Variants in BACH2 observed in about 807,000 individuals in gnomAD.
BACH2 encodes the protein BACH transcriptional regulator 2, also known as transcription regulator protein BACH2.
BACH2 carries 5 observed loss-of-function variants against 61.8 expected under a neutral mutation model. That is an observed-to-expected ratio of 0.08 (90% confidence interval 0.04 to 0.17). The LOEUF (loss-of-function observed/expected upper bound fraction) is 0.17. Among genes scored for constraint, BACH2 ranks in the 10% least tolerant of loss-of-function variants. The pLI, the probability that BACH2 is intolerant of heterozygous loss-of-function variation, is 1.00. For synonymous variants in BACH2, 446 were observed against 440.1 expected (o/e 1.01, Z -0.17); for missense variants, 824 against 1,091.1 (o/e 0.76, Z 3.45).
chr6:90,179,217 A>T (rs1325013948), intron 4 of BACH2, among the ~76,000 whole-genome samples: 1 of 149,366 alleles, frequency 6.7e-6, no homozygotes, highest in Non-Finnish European at 1.5e-5. Flanking sequence ...TCTATAAATT[A>T]AAAAAAAAAT....
chr6:89,955,103 A>G (rs1774353644), intron 6 of BACH2, among the ~76,000 whole-genome samples: 1 of 152,258 alleles, frequency 6.6e-6, no homozygotes, highest in African/African-American at 2.4e-5. Context: ...CCTGCAAGGC[A>G]GGCATGACTG....
In BACH2 at chr6:90,191,299, C is replaced by T. The variant is rs1768562142; in HGVS notation, c.-162+15270G>A. Among the ~76,000 whole-genome samples the T allele has an allele frequency of 2.6e-5, 4 of 152,326 alleles. 1 individual carries two copies. In the South Asian group the frequency reaches 8.3e-4, roughly 32 times the overall value. On this transcript the variant is annotated intron_variant, in intron 4 of 8. Coordinates refer to ENST00000257749, the MANE Select transcript of BACH2 (RefSeq NM_021813.4). ...TATTTAAGAAGTATTCTGAATCAAA[C>T]ACTGCTCACATATTTAAGGAAGTGG... is the stretch of plus-strand genomic sequence containing the variant.
chr6:90,199,926 T>C (rs146064906), intron 4 of BACH2, among the ~76,000 whole-genome samples: 1 of 152,296 alleles, frequency 6.6e-6, no homozygotes, highest in East Asian at 1.9e-4. Context: ...ATATAAGACA[T>C]AGGCACAGTC....
At chr6:90,039,630 C>T (rs867952304) in intron 5 of BACH2, among the ~76,000 whole-genome samples, 6 of 152,132 alleles carry the variant, frequency 3.9e-5, no homozygotes, top group African/African-American at 1.2e-4. Context: ...GTGATCTGCT[C>T]GCCTCGGCCT....
At chr6:89,938,475 G>GTAGT in intron 7 of BACH2, 125 bp from the exon 8 acceptor site, 1 of 735,876 alleles carries the variant, frequency 1.4e-6, no homozygotes, top group South Asian at 1.9e-5. Flanking sequence ...CTGAAAGCAA[G>GTAGT]CAGTGATTAC....
At chr6:90,194,645 C>T (rs1768693598) in intron 4 of BACH2, among the ~76,000 whole-genome samples, 1 of 152,176 alleles carries the variant, frequency 6.6e-6, no homozygotes, top group Admixed American at 6.5e-5. Context: ...AAGCCCACTC[C>T]AAACTGTTAG....
intron 4 of BACH2, among the ~76,000 whole-genome samples, chr6:90,175,348 A>G (rs1424302449): frequency 1.3e-5 from 2 of 152,198 alleles, no homozygotes; most frequent in Admixed American, 6.5e-5. Context: ...AAATCATAAG[A>G]AACTCTCTTG....
At chr6:90,023,634 G>C (rs925674696) in intron 5 of BACH2, among the ~76,000 whole-genome samples, 1 of 151,862 alleles carries the variant, frequency 6.6e-6, no homozygotes, top group Non-Finnish European at 1.5e-5. Flanking sequence ...CTCAAAATTC[G>C]TATGTGGAAA....
intron 7 of BACH2, among the ~76,000 whole-genome samples, chr6:89,942,480 A>G (rs1462116765): frequency 2.6e-5 from 4 of 152,124 alleles, no homozygotes; most frequent in South Asian, 2.1e-4. Context: ...TGGGCTTAAC[A>G]TCTTATTAAC....
chr6:90,178,218 T>C (rs1768041907), intron 4 of BACH2, among the ~76,000 whole-genome samples: 1 of 152,114 alleles, frequency 6.6e-6, no homozygotes, highest in Non-Finnish European at 1.5e-5. Flanking sequence ...GAGAATGAAA[T>C]GTCAGCTCTA....
intron 5 of BACH2, among the ~76,000 whole-genome samples, chr6:90,067,754 T>C (rs1781033140): frequency 6.6e-6 from 1 of 152,194 alleles, no homozygotes; most frequent in Non-Finnish European, 1.5e-5. Flanking sequence ...TAATCGGCTG[T>C]GCACAAGACA....
intron 4 of BACH2, among the ~76,000 whole-genome samples, chr6:90,093,310 G>T (rs1393551190): frequency 6.6e-6 from 1 of 152,146 alleles, no homozygotes; most frequent in Non-Finnish European, 1.5e-5. Context: ...AGCATGGGGG[G>T]AGATGTGTAA....
At chr6:89,992,179 A>C (rs1340952368) in intron 6 of BACH2, among the ~76,000 whole-genome samples, 1 of 152,204 alleles carries the variant, frequency 6.6e-6, no homozygotes, top group Non-Finnish European at 1.5e-5. Context: ...TTCTTTTTAC[A>C]AAGTATGCAA....
chr6:90,210,469 T>C (rs796516784), intron 3 of BACH2, among the ~76,000 whole-genome samples: 9 of 152,238 alleles, frequency 5.9e-5, no homozygotes, highest in African/African-American at 2.2e-4. Flanking sequence ...CCTTGTTCTA[T>C]CAAGTACTTT....
Position 90,136,803 on chromosome 6 carries a change from C to A in BACH2, c.-161-47694G>T, listed in dbSNP as rs190247144. On this transcript the variant is annotated intron_variant, in intron 4 of 8. Transcript: ENST00000257749. Reference sequence around the variant, plus strand: ...ATGTGAACATAACAGCCAGGCCCTACAATAATGAGCACTAAACCATGCTAT... The same window carrying A: ...ATGTGAACATAACAGCCAGGCCCTAAAATAATGAGCACTAAACCATGCTAT... Among the ~76,000 whole-genome samples the A allele has an allele frequency of 5.3e-5, 8 of 149,992 alleles. No homozygotes were observed. In the East Asian group the frequency reaches 1.4e-3, roughly 26 times the overall value.
chr6:90,050,839 G>A (rs1404705034), intron 5 of BACH2, among the ~76,000 whole-genome samples: 2 of 151,066 alleles, frequency 1.3e-5, no homozygotes, highest in African/African-American at 2.4e-5. Flanking sequence ...GCGCGATCTC[G>A]GTTCACTGCA....
rs191866771 is a variant in BACH2, at chr6:90,111,843, A to G, written c.-161-22734T>C. On this transcript the variant is annotated intron_variant, in intron 4 of 8. Transcript: ENST00000257749. ...GGAATCTTGAATCTTGTGCTATGCCATATCCTTACCATCTAAGACAATACT... is the reference window on the plus strand; with the variant it reads ...GGAATCTTGAATCTTGTGCTATGCCGTATCCTTACCATCTAAGACAATACT... Among the ~76,000 whole-genome samples, 421 of 152,352 alleles carry G rather than the reference A, an allele frequency of 2.8e-3. 4 individuals carry two copies. The highest frequency in any genetic ancestry group is 9.9e-3 in the African/African-American group (413 of 41,578).
At chr6:90,134,241 G>T (rs1323478453) in intron 4 of BACH2, among the ~76,000 whole-genome samples, 1 of 152,212 alleles carries the variant, frequency 6.6e-6, no homozygotes, top group Non-Finnish European at 1.5e-5. Context: ...TCTAACTGGT[G>T]TGAGATGGTA....
At chr6:90,211,387 T>C (rs1769343801) in intron 3 of BACH2, among the ~76,000 whole-genome samples, 1 of 152,070 alleles carries the variant, frequency 6.6e-6, no homozygotes, top group Admixed American at 6.6e-5. Context: ...TCTGATGTCT[T>C]GGGTGTCAGC....
Sources: gnomAD v4.1 joint callset for allele counts (sites outside exome capture counted in the v4.1 genomes callset) on GRCh38, gnomAD v4.1.1 for gene constraint, MANE v1.5 for transcripts, NCBI Gene and HGNC (gene_info 2026-07-23, HGNC 2026-07-21) for gene names.